Variants in RUNX1 observed in about 807,000 individuals in gnomAD.
The protein encoded by RUNX1 is runt-related transcription factor 1.
RUNX1 carries 19 observed loss-of-function variants against 42.8 expected under a neutral mutation model. That is an observed-to-expected ratio of 0.44 (90% confidence interval 0.31 to 0.65). The LOEUF is 0.65. RUNX1 is among the 30% of genes least tolerant of loss of function. The pLI is 0.07. For missense variants in RUNX1, 528 were observed against 672.0 expected, an observed-to-expected ratio of 0.79 and a Z score of 2.37; for synonymous variants, 271 against 289.4, an observed-to-expected ratio of 0.94 and a Z score of 0.64.
chr21:34,803,875 G>A (rs182717334), intron 7 of RUNX1, among the ~76,000 whole-genome samples: 6 of 152,296 alleles, frequency 3.9e-5, no homozygotes, highest in Admixed American at 3.3e-4. Context: ...ATATTAAAAT[G>A]TCTCTAGAGT....
intron 2 of RUNX1, among the ~76,000 whole-genome samples, chr21:34,920,123 T>C (rs950759767): frequency 6.6e-6 from 1 of 152,218 alleles, no homozygotes; most frequent in Non-Finnish European, 1.5e-5. Context: ...GTACTCTTCA[T>C]ATTTAGAAAC....
chr21:34,859,365 C>A, intron 6 of RUNX1, 109 bp downstream of exon 6: 2 of 932,380 alleles, frequency 2.1e-6, no homozygotes, highest in Non-Finnish European at 3.6e-6. Flanking sequence ...CTGACATCCC[C>A]CTGGGGGAAA....
At chr21:35,000,531 C>T (rs900040801) in intron 2 of RUNX1, among the ~76,000 whole-genome samples, 1 of 152,124 alleles carries the variant, frequency 6.6e-6, no homozygotes, top group African/African-American at 2.4e-5. Context: ...TGAGCCACCG[C>T]ACCCAGCCTC....
chr21:34,880,409 T>G, intron 5 of RUNX1, 148 bp downstream of exon 5: 1 of 730,422 alleles, frequency 1.4e-6, no homozygotes, highest in South Asian at 1.7e-5. Context: ...AAACTTCAAA[T>G]AAATATTTTT....
chr21:34,845,386 CCCT>C (rs986858282), intron 6 of RUNX1, among the ~76,000 whole-genome samples: 2 of 152,310 alleles, frequency 1.3e-5, no homozygotes, highest in African/African-American at 2.4e-5. Context: ...GCAACATTCC[CCCT>C]CCTCAATCCT....
At chr21:34,981,236 T>A (rs2058844166) in intron 2 of RUNX1, among the ~76,000 whole-genome samples, 5 of 152,224 alleles carry the variant, frequency 3.3e-5, no homozygotes, top group African/African-American at 9.6e-5. Context: ...GAAAAATAGA[T>A]GCTTCCCTTT....
At chr21:34,875,677 A>T (rs957633433) in intron 5 of RUNX1, among the ~76,000 whole-genome samples, 4 of 152,208 alleles carry the variant, frequency 2.6e-5, no homozygotes, top group African/African-American at 9.7e-5. Context: ...AGAATAGAGA[A>T]GGACTGGGAT....
chr21:34,898,044 G>A (rs1402971387), intron 2 of RUNX1, among the ~76,000 whole-genome samples: 5 of 152,126 alleles, frequency 3.3e-5, no homozygotes, highest in African/African-American at 7.2e-5. Context: ...GACAGAGCAG[G>A]CACTTGCAAG....
At chr21:34,954,265 G>A (rs1307917219) in intron 2 of RUNX1, among the ~76,000 whole-genome samples, 2 of 152,178 alleles carry the variant, frequency 1.3e-5, no homozygotes, top group Non-Finnish European at 2.9e-5. Context: ...CATAGGCCTG[G>A]GTTAAAAAGC....
chr21:35,008,681 C>A (rs915588038), intron 2 of RUNX1, among the ~76,000 whole-genome samples: 5 of 152,184 alleles, frequency 3.3e-5, no homozygotes, highest in African/African-American at 1.2e-4. Flanking sequence ...AGCAGTGAGC[C>A]CAGAACATGC....
intron 2 of RUNX1, among the ~76,000 whole-genome samples, chr21:34,966,500 C>A (rs533870405): frequency 1.3e-5 from 2 of 152,164 alleles, no homozygotes; most frequent in Non-Finnish European, 2.9e-5. Flanking sequence ...TGGTTTACTG[C>A]CCTGCTGTCC....
At chr21:34,910,258 A>G (rs931326677) in intron 2 of RUNX1, among the ~76,000 whole-genome samples, 1 of 152,046 alleles carries the variant, frequency 6.6e-6, no homozygotes, top group Non-Finnish European at 1.5e-5. Context: ...AAGGGCTCCA[A>G]CTTCTCTTGC....
intron 3 of RUNX1, chr21:34,888,478 T>C: frequency 9.4e-7 from 1 of 1,066,342 alleles, no homozygotes; most frequent in Non-Finnish European, 1.1e-6. Flanking sequence ...AGAAGCCAGT[T>C]AATTCAAAAG....
Position 34,792,308 on chromosome 21 carries a change from A to T in RUNX1, c.1270T>A (p.Ser424Thr), listed in dbSNP as rs2056451534. 11 of 1,157,772 alleles carry T rather than the reference A, an allele frequency of 9.5e-6. No homozygotes were observed. The highest frequency in any genetic ancestry group is 1.6e-5 in the African/African-American group (1 of 63,790). 71.7% of individuals were successfully genotyped at this position (1,157,772 alleles called of 1,614,324 possible). Residue 424 changes from serine to threonine, a missense_variant, in exon 9 of 9, where the codon TCG (serine) becomes ACG (threonine). Ser to Thr is a moderately conservative substitution (Grantham distance 58). This residue lies in a region of RUNX1 where 331 missense variants were observed against 382.5 expected (regional missense o/e 0.87). Coordinates refer to ENST00000675419, the MANE Select transcript of RUNX1 (RefSeq NM_001754.5). The surrounding 1 kb of genome is among the most constrained non-coding windows in gnomAD (Gnocchi z 6.9). Reference sequence around the variant, plus strand: ...CAGGGCGGCAGGATGCGCGGCGGCGAGCGCTCGCCGCCCACCATGGAGAAC... The same window carrying T: ...CAGGGCGGCAGGATGCGCGGCGGCGTGCGCTCGCCGCCCACCATGGAGAAC... The part of the protein sequence containing the change: ...YQFSMVGGER[S>T]PPRILPPCTN...
intron 2 of RUNX1, among the ~76,000 whole-genome samples, chr21:34,925,812 T>A (rs976691372): frequency 6.6e-5 from 10 of 152,178 alleles, no homozygotes; most frequent in Non-Finnish European, 5.9e-5. Flanking sequence ...CAGAAAGAGG[T>A]TCGAGAAATA....
intron 2 of RUNX1, among the ~76,000 whole-genome samples, chr21:35,011,727 CA>C (rs1198140014): frequency 6.6e-6 from 1 of 152,176 alleles, no homozygotes; most frequent in Non-Finnish European, 1.5e-5. Context: ...CATCATGAAA[CA>C]GACAAGAATT....
At chr21:34,931,862 G>T (rs146421098) in intron 2 of RUNX1, among the ~76,000 whole-genome samples, 2 of 152,136 alleles carry the variant, frequency 1.3e-5, no homozygotes, top group East Asian at 3.9e-4. Context: ...AGAGTGGTTG[G>T]ATTTGTGTTC....
intron 2 of RUNX1, among the ~76,000 whole-genome samples, chr21:34,941,770 A>G (rs952074943): frequency 6.6e-6 from 1 of 151,948 alleles, no homozygotes; most frequent in African/African-American, 2.4e-5. Flanking sequence ...AAGGCTGAAA[A>G]TAGTTTTATT....
At chr21:34,909,588 CAAAA>C (rs10584066) in intron 2 of RUNX1, among the ~76,000 whole-genome samples, 4 of 75,022 alleles carry the variant, frequency 5.3e-5, no homozygotes, top group African/African-American at 6.3e-5. Context: ...CACTGTTCCT[CAAAA>C]AAAAAAAAAA....
Sources: allele counts gnomAD v4.1 joint callset (sites outside exome capture counted in the v4.1 genomes callset), GRCh38; gene constraint gnomAD v4.1.1; regional missense constraint gnomAD v4.1.1; non-coding constraint Gnocchi (gnomAD v3.1); transcripts MANE v1.5; gene names NCBI Gene and HGNC (gene_info 2026-07-23, HGNC 2026-07-21).